The following NXPE4 variants were observed in gnomAD, a reference collection of about 807,000 sequenced individuals.
The protein encoded by NXPE4 is NXPE family member 4.
A neutral mutation model predicts 33.3 loss-of-function variants in NXPE4; 42 were observed. The observed-to-expected ratio is 1.26, with a 90% CI of 0.98 to 1.63. The LOEUF (loss-of-function observed/expected upper bound fraction) is 1.63. NXPE4 is among the 40% of genes most tolerant of loss of function. The pLI, the probability that NXPE4 is intolerant of heterozygous loss-of-function variation, is 0.00. For missense variants in NXPE4, 709 were observed against 647.6 expected (o/e 1.09, Z -1.03); for synonymous variants, 253 against 234.9 (o/e 1.08, Z -0.71).
chr11:114,611,879 A>G, the NXPE4 span, among the ~76,000 whole-genome samples: 1 of 151,040 alleles, frequency 6.6e-6, no homozygotes, highest in Non-Finnish European at 1.5e-5. Flanking sequence ...TATGAGAAAT[A>G]TTGCCTCATG....
the NXPE4 span, among the ~76,000 whole-genome samples, chr11:114,640,953 T>C: frequency 4.6e-5 from 7 of 152,096 alleles, no homozygotes; most frequent in South Asian, 1.5e-3. Flanking sequence ...AAAAAGGCAG[T>C]AGAACACATA....
the NXPE4 span, among the ~76,000 whole-genome samples, chr11:114,632,130 ATATAT>A: frequency 1.2e-4 from 18 of 144,108 alleles, no homozygotes; most frequent in Admixed American, 3.6e-4. Context: ...TTATAATAAA[ATATAT>A]TATAATTTAT....
chr11:114,668,026 C>T, the NXPE4 span, among the ~76,000 whole-genome samples: 132 of 151,944 alleles, frequency 8.7e-4, no homozygotes, highest in African/African-American at 3.1e-3. Context: ...TGAGGTTCTA[C>T]AGGTACACAC....
intron 5 of NXPE4, 111 bp downstream of exon 5, chr11:114,580,021 G>T: frequency 3.2e-6 from 3 of 935,676 alleles, no homozygotes; most frequent in African/African-American, 1.6e-5. Flanking sequence ...TTGGTGTGTT[G>T]TGATTGAAGA....
At chr11:114,650,332 C>T in the NXPE4 span, among the ~76,000 whole-genome samples, 1,478 of 152,292 alleles carry the variant, frequency 9.7e-3, 28 homozygotes, top group African/African-American at 0.033. Flanking sequence ...TTTGGAATAG[C>T]TGGGATCACC....
chr11:114,635,155 A>G, the NXPE4 span, among the ~76,000 whole-genome samples: 9 of 150,632 alleles, frequency 6.0e-5, no homozygotes, highest in African/African-American at 2.2e-4. Context: ...AGTGGTTTGT[A>G]GTTCTCCTTG....
chr11:114,597,715 C>T (rs953461385), upstream of NXPE4, among the ~76,000 whole-genome samples: 6 of 151,992 alleles, frequency 3.9e-5, no homozygotes, highest in Non-Finnish European at 7.4e-5. Context: ...TGGAGCATCT[C>T]GGGGTGCTAG....
chr11:114,605,212 G>A, the NXPE4 span, among the ~76,000 whole-genome samples: 4 of 151,884 alleles, frequency 2.6e-5, no homozygotes, highest in East Asian at 1.9e-4. Flanking sequence ...AATAAGTATT[G>A]CCTCGTGGGT....
the NXPE4 span, among the ~76,000 whole-genome samples, chr11:114,617,791 C>A: frequency 6.6e-6 from 1 of 152,144 alleles, no homozygotes; most frequent in Admixed American, 6.6e-5. Context: ...TGTGGGTAAG[C>A]ACGGTTACCC....
the NXPE4 span, among the ~76,000 whole-genome samples, chr11:114,647,141 A>G: frequency 6.6e-6 from 1 of 152,194 alleles, no homozygotes; most frequent in African/African-American, 2.4e-5. Flanking sequence ...ATTAAATAAA[A>G]CTGCTAATTA....
At chr11:114,616,319 G>A in the NXPE4 span, among the ~76,000 whole-genome samples, 7 of 144,418 alleles carry the variant, frequency 4.8e-5, no homozygotes, top group East Asian at 2.0e-4. Flanking sequence ...GTTGTCTCAC[G>A]TGTAACCACT....
At chr11:114,583,900 T>C (rs1949217689) in intron 2 of NXPE4, 1 of 393,572 alleles carries the variant, frequency 2.5e-6, no homozygotes, top group Admixed American at 3.2e-5. Flanking sequence ...TTATTGGGGC[T>C]GGCAAAGGCA....
the NXPE4 span, among the ~76,000 whole-genome samples, chr11:114,640,951 A>C: frequency 1.3e-5 from 2 of 152,050 alleles, no homozygotes; most frequent in Non-Finnish European, 2.9e-5. Context: ...GGAAAAAGGC[A>C]GTAGAACACA....
chr11:114,580,381 T>C (rs373423272), intron 4 of NXPE4, 43 bp from the exon 5 acceptor site: 311 of 1,557,334 alleles, frequency 2.0e-4, no homozygotes, highest in Non-Finnish European at 2.7e-4. Context: ...AAACATCAAA[T>C]TACCCGTCAG....
the NXPE4 span, among the ~76,000 whole-genome samples, chr11:114,663,904 A>G: frequency 6.6e-6 from 1 of 152,176 alleles, no homozygotes; most frequent in Non-Finnish European, 1.5e-5. Flanking sequence ...GTGAGACACT[A>G]CTACACACCT....
At chr11:114,629,379 T>C in the NXPE4 span, among the ~76,000 whole-genome samples, 1 of 151,976 alleles carries the variant, frequency 6.6e-6, no homozygotes, top group Non-Finnish European at 1.5e-5. Flanking sequence ...CACAAATCAA[T>C]AAATGTAATC....
chr11:114,606,986 T>G, the NXPE4 span, among the ~76,000 whole-genome samples: 1 of 151,988 alleles, frequency 6.6e-6, no homozygotes, highest in African/African-American at 2.4e-5. Context: ...TAACCACTGT[T>G]TCCCAGTGGA....
the NXPE4 span, among the ~76,000 whole-genome samples, chr11:114,612,802 C>T: frequency 6.6e-6 from 1 of 151,920 alleles, no homozygotes; most frequent in African/African-American, 2.4e-5. Flanking sequence ...ATAAGTGTTG[C>T]CTCGTGGGAA....
chr11:114,617,683 A>G, the NXPE4 span, among the ~76,000 whole-genome samples: 1 of 152,142 alleles, frequency 6.6e-6, no homozygotes, highest in Non-Finnish European at 1.5e-5. Flanking sequence ...CCCGGTGGAT[A>G]AAAAGTACTG....
Sources: gnomAD v4.1 joint callset for allele counts (sites outside exome capture counted in the v4.1 genomes callset) on GRCh38, gnomAD v4.1.1 for gene constraint, MANE v1.5 for transcripts, NCBI Gene and HGNC (gene_info 2026-07-23, HGNC 2026-07-21) for gene names.